DDX43: variants seen among roughly 807,000 people sequenced by gnomAD.
DDX43 encodes DEAD-box helicase 43, also known as probable ATP-dependent RNA helicase DDX43.
DDX43 carries 50 observed loss-of-function variants against 84.9 expected under a neutral mutation model. That is an observed-to-expected ratio of 0.59 (90% CI 0.47 to 0.75). The LOEUF (loss-of-function observed/expected upper bound fraction) is 0.75, where lower values mean the gene tolerates loss of function less well. Ranked by LOEUF, DDX43 falls within the 30% of genes least tolerant of loss-of-function variation. The probability of loss-of-function intolerance (pLI) is 0.00; values close to 1 mark genes in which losing one functional copy is unlikely to be tolerated. For missense variants in DDX43, 689 were observed against 798.6 expected, an observed-to-expected ratio of 0.86 and a Z score of 1.65; for synonymous variants, 291 against 266.3, an observed-to-expected ratio of 1.09 and a Z score of -0.90.
intron 1 of DDX43, among the ~76,000 whole-genome samples, chr6:73,396,956 A>G (rs1157723876): frequency 1.3e-5 from 2 of 152,152 alleles, no homozygotes; most frequent in Non-Finnish European, 2.9e-5. Context: ...TACTTTATCT[A>G]TTAATCAGTC....
intron 2 of DDX43, among the ~76,000 whole-genome samples, chr6:73,398,280 C>G (rs1315876812): frequency 6.6e-6 from 1 of 152,032 alleles, no homozygotes; most frequent in Admixed American, 6.6e-5. Context: ...GAGACAGAGT[C>G]TCACTCTGTC....
intron 4 of DDX43, among the ~76,000 whole-genome samples, chr6:73,403,052 A>G (rs1248819163): frequency 6.6e-6 from 1 of 152,240 alleles, no homozygotes; most frequent in Non-Finnish European, 1.5e-5. Flanking sequence ...TATTGCTACT[A>G]TGTTGGTCAA....
Position 73,395,029 on chromosome 6 carries a change from G to T in DDX43, c.124G>T (p.Gly42Ter), listed in dbSNP as rs1448743005. 1.2e-6 allele frequency: 2 copies of T among 1,614,274 alleles called. No individual in the cohort carries two copies. Among genetic ancestry groups the T allele is most frequent in the Non-Finnish European group, 1.7e-6 (2 of 1,180,054 alleles). ...GGAGTTGAATCGAACAGGTCCTGAG[G>T]GATATAGTGTCGGCAGAGGTGGTCG... ...AEELNRTGPE[G>*]YSVGRGGRWR... The change falls in exon 1 of 17, where the codon GGA becomes TGA. Residue 42 changes from glycine to a stop codon, truncating the protein, a stop_gained. Transcript: ENST00000370336. LOFTEE classifies it high-confidence loss of function.
In DDX43 at chr6:73,406,402, T is replaced by TA; in HGVS notation, c.847dup (p.Ile283AsnfsTer29). ...CCATTGTGTTGCAAGGAATAGATCT[T>TA]ATAGGAGTAGCCCAGACTGGAACAG... On this transcript the variant is annotated frameshift_variant, in exon 7 of 17. Transcript: ENST00000370336. LOFTEE classifies it high-confidence loss of function. 6.2e-7 allele frequency: 1 copy of TA among 1,613,442 alleles called. No homozygotes were observed. Among genetic ancestry groups the TA allele is most frequent in the Non-Finnish European group, 8.5e-7 (1 of 1,179,462 alleles).
At position 73,414,760 on chromosome 6, in the gene DDX43, G is replaced by A. The variant is rs955855492; in HGVS notation, c.1745+74G>A. 6 of 1,390,732 alleles carry A rather than the reference G, an allele frequency of 4.3e-6. No homozygotes were observed. The Admixed American group carries it at 9.7e-5, about 22-fold the overall frequency. The allele number at this position is 1,390,732 out of a possible 1,614,324, so 86.1% of individuals were successfully genotyped here. On this transcript the variant is annotated intron_variant, in intron 14 of 16. Coordinates refer to ENST00000370336, the MANE Select transcript of DDX43 (RefSeq NM_018665.3). The stretch of plus-strand genomic sequence containing the variant: ...ATTCCTCTCACAAACTTCTTGCCCA[G>A]AAAACCATTTTATTCTATTACCTAT...
intron 10 of DDX43, among the ~76,000 whole-genome samples, chr6:73,410,822 G>C (rs529507640): frequency 1.3e-5 from 2 of 151,996 alleles, no homozygotes; most frequent in Non-Finnish European, 2.9e-5. Context: ...TTGAACTCCT[G>C]AGCTCAAGTG....
intron 1 of DDX43, among the ~76,000 whole-genome samples, chr6:73,396,380 A>T (rs1769472780): frequency 6.6e-6 from 1 of 152,240 alleles, no homozygotes; most frequent in African/African-American, 2.4e-5. Flanking sequence ...GAGAAAAATG[A>T]ATAGATGGAG....
At chr6:73,399,147 A>G (rs915520927) in intron 2 of DDX43, among the ~76,000 whole-genome samples, 4 of 152,108 alleles carry the variant, frequency 2.6e-5, no homozygotes, top group South Asian at 2.1e-4. Context: ...GGGTTTCACT[A>G]TGTTGGCCAG....
chr6:73,397,218 T>C (rs961305935), intron 1 of DDX43, among the ~76,000 whole-genome samples: 3 of 152,178 alleles, frequency 2.0e-5, no homozygotes, highest in Non-Finnish European at 2.9e-5. Flanking sequence ...CCAACACTTT[T>C]TTTCTGTTTT....
Position 73,407,628 on chromosome 6 carries a change from T to C in DDX43, c.1037+13T>C. 2 of 1,530,322 alleles carry C rather than the reference T, an allele frequency of 1.3e-6. No individual in the cohort carries two copies. The highest frequency in any genetic ancestry group is 1.8e-6 in the Non-Finnish European group (2 of 1,106,694). 94.8% of individuals were successfully genotyped at this position (1,530,322 alleles called of 1,614,324 possible). ...AAGGGCTTCGGAGGTAAGTAATTTT[T>C]TTTCCCATTCCTTCACCAGTATCAT... On this transcript the variant is annotated intron_variant, in intron 8 of 16. Transcript: ENST00000370336.
In DDX43 at chr6:73,415,630, C is replaced by T. The variant is rs112997159; in HGVS notation, c.1833+46C>T. ...AGAAATCTACCTGTTATCAGTATCT[C>T]AGTCAGTTATGCCGGGTACTATGGC... is the stretch of plus-strand genomic sequence containing the variant. On this transcript the variant is annotated intron_variant, in intron 15 of 16. Transcript: ENST00000370336. 428 of 1,392,840 alleles carry T rather than the reference C, an allele frequency of 3.1e-4. 1 individual carries two copies. The African/African-American group carries it at 3.8e-3, about 12-fold the overall frequency. 86.3% of individuals were successfully genotyped at this position (1,392,840 alleles called of 1,614,324 possible).
chr6:73,416,702 T>C (rs1245264224), intron 16 of DDX43, among the ~76,000 whole-genome samples: 2 of 152,008 alleles, frequency 1.3e-5, no homozygotes, highest in African/African-American at 4.8e-5. Flanking sequence ...ACTTGGAAAG[T>C]GGGTAGGGGG....
rs1562287271 is a variant in DDX43, at chr6:73,416,161, C to T, written c.1882C>T (p.Gln628Ter). Reference sequence around the variant, plus strand: ...AATGGCTGAGAGGTTTAAGGCACATCAACAGAAAAGGGAAATGGAAAGAAA... The same window carrying T: ...AATGGCTGAGAGGTTTAAGGCACATTAACAGAAAAGGGAAATGGAAAGAAA... ...VSMAERFKAH[Q>*]QKREMERKME... is the part of the protein sequence containing the mutation. Residue 628 changes from glutamine to a stop codon, truncating the protein, a stop_gained, in exon 16 of 17, where the codon CAA (glutamine) becomes TAA (stop). Coordinates refer to ENST00000370336, the MANE Select transcript of DDX43 (RefSeq NM_018665.3). LOFTEE classifies it high-confidence loss of function. 2 of 1,597,956 alleles carry T rather than the reference C, an allele frequency of 1.3e-6. No individual in the cohort carries two copies. The highest frequency in any genetic ancestry group is 1.7e-6 in the Non-Finnish European group (2 of 1,165,394).
intron 10 of DDX43, among the ~76,000 whole-genome samples, chr6:73,411,250 G>A (rs538905545): frequency 1.6e-4 from 24 of 150,790 alleles, no homozygotes; most frequent in African/African-American, 5.1e-4. Flanking sequence ...ATGAAAAATT[G>A]GAATTTTTTT....
chr6:73,394,844 G>A lies in DDX43; in HGVS notation c.-62G>A, dbSNP rs1481503751. ...TTCCCTGGCACGCTACTCTTACGAC[G>A]TCACGGTCAGGTGGTGCAGAGCTGG... On this transcript the variant is annotated 5_prime_UTR_variant, in exon 1 of 17. Coordinates refer to ENST00000370336, the MANE Select transcript of DDX43 (RefSeq NM_018665.3). 5.7e-6 allele frequency: 9 copies of A among 1,581,576 alleles called. No homozygotes were observed. The highest frequency in any genetic ancestry group is 4.5e-5 in the East Asian group (2 of 44,630).
At chr6:73,410,364 A>G (rs768093754) in intron 10 of DDX43, among the ~76,000 whole-genome samples, 11 of 152,100 alleles carry the variant, frequency 7.2e-5, no homozygotes, top group African/African-American at 1.7e-4. Context: ...GGGTTTCGCC[A>G]TGTTGGCCAG....
chr6:73,406,389 A>G lies in DDX43; in HGVS notation c.833A>G (p.Gln278Arg). The G allele has an allele frequency of 6.2e-7, 1 of 1,611,894 alleles. No homozygotes were observed. The highest frequency in any genetic ancestry group is 8.5e-7 in the Non-Finnish European group (1 of 1,178,544). Residue 278 changes from glutamine to arginine, a missense_variant, in exon 7 of 17, where the codon CAA becomes CGA. Physicochemically the swap from Gln to Arg is conservative, Grantham distance 43. Around this residue, in one of 2 missense-constraint regions of DDX43, gnomAD observed 552 missense variants for 692.7 expected, o/e 0.80. Coordinates refer to ENST00000370336, the MANE Select transcript of DDX43 (RefSeq NM_018665.3). ...TCACAGGCATGGCCCATTGTGTTGC[A>G]AGGAATAGATCTTATAGGAGTAGCC... ...IQSQAWPIVLQGIDLIGVAQT... is the reference protein window; with the variant it reads ...IQSQAWPIVLRGIDLIGVAQT...
intron 10 of DDX43, among the ~76,000 whole-genome samples, chr6:73,410,892 A>C (rs944245580): frequency 6.6e-6 from 1 of 151,902 alleles, no homozygotes; most frequent in African/African-American, 2.4e-5. Flanking sequence ...ACAACCTTTT[A>C]AAAGATTTTT....
chr6:73,401,718 C>A (rs1207607198), intron 3 of DDX43, 141 bp from the exon 4 acceptor site: 13 of 705,652 alleles, frequency 1.8e-5, no homozygotes, highest in Non-Finnish European at 2.3e-5. Context: ...AAGAGAATGG[C>A]GGGAACCCGG....
Sources: allele counts gnomAD v4.1 joint callset (sites outside exome capture counted in the v4.1 genomes callset), GRCh38; gene constraint gnomAD v4.1.1; regional missense constraint gnomAD v4.1.1; transcripts MANE v1.5; gene names NCBI Gene and HGNC (gene_info 2026-07-23, HGNC 2026-07-21).